The following CALN1 variants were observed in gnomAD, a reference collection of about 807,000 sequenced individuals.
The protein encoded by CALN1 is calneuron 1, also known as calcium-binding protein 8.
CALN1 carries 17 observed loss-of-function variants against 30.6 expected under a neutral mutation model. The observed-to-expected ratio is 0.56, with a 90% confidence interval of 0.38 to 0.83. The LOEUF is 0.83. CALN1 is among the 40% of genes least tolerant of loss of function. CALN1 has a pLI of 0.00. For synonymous variants in CALN1, 156 were observed against 131.4 expected (o/e 1.19, Z -1.28); for missense variants, 291 against 354.9 (o/e 0.82, Z 1.45).
In CALN1 at chr7:71,846,894, T is replaced by TATATATAATATAC. The variant is rs1491208176; in HGVS notation, c.502-36403_502-36402insGTATATTATATAT. 2.7e-5 allele frequency among the ~76,000 whole-genome samples: 4 copies of TATATATAATATAC among 146,856 alleles called. No individual in the cohort carries two copies. The East Asian group carries it at 7.8e-4, about 29-fold the overall frequency. ...TATATAATATATACACACATATATG[T>TATATATAATATAC]ATATATAATATATACATACATATAT... On this transcript the variant is annotated intron_variant, in intron 5 of 6. Transcript: ENST00000395275.
chr7:71,998,196 GA>G (rs1799347272), intron 5 of CALN1, among the ~76,000 whole-genome samples: 1 of 151,890 alleles, frequency 6.6e-6, no homozygotes, highest in Non-Finnish European at 1.5e-5. Flanking sequence ...CTTGGATAAA[GA>G]AAAACCAAAA....
intron 1 of CALN1, among the ~76,000 whole-genome samples, chr7:72,406,611 T>C (rs1168530885): frequency 1.1e-5 from 1 of 94,238 alleles, no homozygotes; most frequent in Non-Finnish European, 2.1e-5. Context: ...AGGGTCCTTG[T>C]CAGCTTTTTT....
intron 3 of CALN1, among the ~76,000 whole-genome samples, chr7:72,177,448 T>C (rs1585098069): frequency 6.6e-6 from 1 of 152,234 alleles, no homozygotes; most frequent in East Asian, 1.9e-4. Context: ...GTTCTTATTT[T>C]CTACACCAAG....
At chr7:72,330,466 CAAAAAAAAA>C (rs34819395) in intron 2 of CALN1, among the ~76,000 whole-genome samples, 1 of 113,030 alleles carries the variant, frequency 8.8e-6, no homozygotes, top group East Asian at 2.5e-4. Flanking sequence ...AGACTGTCTC[CAAAAAAAAA>C]AAAAAAAAAA....
chr7:72,272,029 T>A (rs1266759581), intron 3 of CALN1, among the ~76,000 whole-genome samples: 1 of 142,592 alleles, frequency 7.0e-6, no homozygotes, highest in African/African-American at 2.6e-5. Context: ...GCCACCGCAC[T>A]CCACCCTGGG....
At chr7:71,853,890 A>C (rs2116610264) in intron 5 of CALN1, among the ~76,000 whole-genome samples, 1 of 152,084 alleles carries the variant, frequency 6.6e-6, no homozygotes, top group East Asian at 1.9e-4. Context: ...TGAAGTTTTA[A>C]ATTTTGATTA....
chr7:72,251,229 C>A (rs889166456), intron 3 of CALN1, among the ~76,000 whole-genome samples: 1 of 152,154 alleles, frequency 6.6e-6, no homozygotes. Context: ...AGCCCAACAG[C>A]CTCCAAGGTC....
intron 5 of CALN1, among the ~76,000 whole-genome samples, chr7:71,860,359 A>G (rs1337212809): frequency 6.6e-6 from 1 of 151,802 alleles, no homozygotes; most frequent in Non-Finnish European, 1.5e-5. Flanking sequence ...TGCCCAGCTA[A>G]TTTTTGTACT....
intron 2 of CALN1, among the ~76,000 whole-genome samples, chr7:72,300,467 A>G (rs1799181561): frequency 6.6e-6 from 1 of 152,226 alleles, no homozygotes; most frequent in African/African-American, 2.4e-5. Flanking sequence ...ACAGAAATCA[A>G]TAAGCAAAGT....
chr7:72,091,916 G>A (rs1805890767), intron 4 of CALN1, among the ~76,000 whole-genome samples: 1 of 152,190 alleles, frequency 6.6e-6, no homozygotes. Flanking sequence ...TATTTGGCTG[G>A]TAGGCTGCAA....
At chr7:72,352,342 T>C (rs961448585) in intron 2 of CALN1, among the ~76,000 whole-genome samples, 2 of 142,802 alleles carry the variant, frequency 1.4e-5, no homozygotes, top group African/African-American at 5.4e-5. Context: ...TGAGACACTA[T>C]TGTGCCATTG....
intron 2 of CALN1, among the ~76,000 whole-genome samples, chr7:72,399,823 G>C (rs1399116973): frequency 2.0e-5 from 3 of 152,190 alleles, no homozygotes; most frequent in African/African-American, 7.2e-5. Context: ...AGTGGGAGGT[G>C]TTTGGGTCAT....
intron 5 of CALN1, among the ~76,000 whole-genome samples, chr7:71,862,098 G>T (rs1309265612): frequency 6.6e-6 from 1 of 152,212 alleles, no homozygotes; most frequent in Non-Finnish European, 1.5e-5. Flanking sequence ...GCTGGACAGA[G>T]AATCCCGAGC....
At chr7:72,181,993 T>C (rs2129546186) in intron 3 of CALN1, among the ~76,000 whole-genome samples, 2 of 152,332 alleles carry the variant, frequency 1.3e-5, no homozygotes, top group Admixed American at 1.3e-4. Context: ...CAGCTGTTTA[T>C]AAACACAGCA....
At chr7:72,198,674 A>C (rs975867316) in intron 3 of CALN1, among the ~76,000 whole-genome samples, 3 of 152,198 alleles carry the variant, frequency 2.0e-5, no homozygotes, top group Admixed American at 1.3e-4. Flanking sequence ...CTAAAAAAGA[A>C]AAAGGGATTA....
In CALN1 at chr7:71,846,991, C is replaced by CAT. The variant is rs559574146; in HGVS notation, c.502-36501_502-36500dup. Reference sequence around the variant, plus strand: ...ACACATATATACACATATACACACACATATATATATATTGCTTATGTCATG... The same window carrying CAT: ...ACACATATATACACATATACACACACATATATATATATATTGCTTATGTCATG... On this transcript the variant is annotated intron_variant, in intron 5 of 6. Transcript: ENST00000395275. Among the ~76,000 whole-genome samples, 108 of 147,632 alleles carry CAT rather than the reference C, an allele frequency of 7.3e-4. 1 individual carries two copies. Among genetic ancestry groups the CAT allele is most frequent in the Middle Eastern group, 7.1e-3 (2 of 280 alleles).
chr7:72,089,821 C>T (rs1805732001), intron 4 of CALN1, among the ~76,000 whole-genome samples: 1 of 152,094 alleles, frequency 6.6e-6, no homozygotes, highest in Admixed American at 6.6e-5. Flanking sequence ...ATCAATACAT[C>T]ACAATAATTT....
At chr7:72,179,092 T>C (rs7795523) in intron 3 of CALN1, among the ~76,000 whole-genome samples, 41,340 of 152,170 alleles carry the variant, frequency 0.27, 6,390 homozygotes, top group Non-Finnish European at 0.35. Flanking sequence ...AAGTTTTCAG[T>C]TGAACTCATA....
chr7:72,377,757 A>T (rs1244559095), intron 2 of CALN1, among the ~76,000 whole-genome samples: 2 of 152,122 alleles, frequency 1.3e-5, no homozygotes. Context: ...GTCTTTCCAG[A>T]AGAGCTCTGT....
Sources: gnomAD v4.1 joint callset for allele counts (sites outside exome capture counted in the v4.1 genomes callset) on GRCh38, gnomAD v4.1.1 for gene constraint, MANE v1.5 for transcripts, NCBI Gene and HGNC (gene_info 2026-07-23, HGNC 2026-07-21) for gene names.